INPP5F: variants seen among roughly 807,000 people sequenced by gnomAD.
INPP5F encodes the protein inositol polyphosphate-5-phosphatase F, also known as phosphatidylinositide 4-phosphatase SAC2.
A neutral mutation model predicts 137.2 loss-of-function variants in INPP5F; 97 were observed. That is an observed-to-expected ratio of 0.71 (90% CI 0.60 to 0.84). INPP5F has a LOEUF of 0.84. Ranked by LOEUF, INPP5F falls within the 40% of genes least tolerant of loss-of-function variation. INPP5F has a pLI of 0.00. For synonymous variants in INPP5F, 504 were observed against 476.9 expected (o/e 1.06, Z -0.74); for missense variants, 1,271 against 1,371.9 (o/e 0.93, Z 1.16).
At chr10:119,738,440 G>T (rs1393859065) in intron 1 of INPP5F, among the ~76,000 whole-genome samples, 1 of 152,172 alleles carries the variant, frequency 6.6e-6, no homozygotes, top group Non-Finnish European at 1.5e-5. Context: ...TTTGCAGAAG[G>T]ATAGTATGAG....
chr10:119,738,146 G>A (rs143581170), intron 1 of INPP5F, among the ~76,000 whole-genome samples: 143 of 152,302 alleles, frequency 9.4e-4, no homozygotes, highest in African/African-American at 3.3e-3. Flanking sequence ...ATGTTGACCT[G>A]ATGGGTCAAA....
chr10:119,770,643 T>A (rs1006174021), intron 2 of INPP5F, among the ~76,000 whole-genome samples: 11 of 152,202 alleles, frequency 7.2e-5, no homozygotes, highest in Non-Finnish European at 1.6e-4. Flanking sequence ...CTGTGAGGTC[T>A]TCTTTTGTTT....
At chr10:119,781,810 T>G in intron 3 of INPP5F, 39 bp downstream of exon 3, 1 of 1,500,816 alleles carries the variant, frequency 6.7e-7, no homozygotes, top group African/African-American at 1.4e-5. Context: ...AAACCTGATA[T>G]AAATGTAATA....
chr10:119,812,202 A>G lies in INPP5F; in HGVS notation c.1886+247A>G, dbSNP rs529731092. On this transcript the variant is annotated intron_variant, in intron 15 of 19. Coordinates refer to ENST00000650623, the MANE Select transcript of INPP5F (RefSeq NM_014937.4). The stretch of plus-strand genomic sequence containing the variant: ...CAGTATTTGATTAAACAAAATTCAA[A>G]TTGCCAAACTACAGCCTGCAGCTGG... 2.0e-5 allele frequency among the ~76,000 whole-genome samples: 3 copies of G among 152,296 alleles called. No homozygotes were observed. The East Asian group carries it at 5.8e-4, about 29-fold the overall frequency.
chr10:119,765,838 AATT>A (rs1849145166), intron 2 of INPP5F, among the ~76,000 whole-genome samples: 1 of 139,412 alleles, frequency 7.2e-6, no homozygotes, highest in Admixed American at 7.8e-5. Flanking sequence ...TATAAATACT[AATT>A]AATCTCTCTG....
chr10:119,808,427 C>G (rs968692270), intron 13 of INPP5F, among the ~76,000 whole-genome samples: 2 of 152,200 alleles, frequency 1.3e-5, no homozygotes, highest in African/African-American at 2.4e-5. Flanking sequence ...TGTCATACTT[C>G]ATCTTTGAGT....
chr10:119,755,767 A>C (rs553692099), intron 2 of INPP5F, among the ~76,000 whole-genome samples: 7 of 152,344 alleles, frequency 4.6e-5, no homozygotes, highest in Non-Finnish European at 8.8e-5. Context: ...GACCTCATTT[A>C]AGCCTCAGTT....
intron 13 of INPP5F, 110 bp downstream of exon 13, chr10:119,808,170 G>A: frequency 7.5e-7 from 1 of 1,324,984 alleles, no homozygotes. Flanking sequence ...GTGTGTAGTT[G>A]ACTCTTTTCT....
chr10:119,827,571 A>C lies in INPP5F; in HGVS notation c.3190A>C (p.Ser1064Arg), dbSNP rs1851820668. ...HVTPSPSESS[S>R]SRAVSPFAKI... ...AACTCCTTCTCCTTCAGAGAGCAGT[A>C]GCAGCAGAGCAGTCTCTCCCTTTGC... is the stretch of plus-strand genomic sequence containing the variant. Residue 1064 changes from serine to arginine, a missense_variant, in exon 20 of 20, where the codon AGC becomes CGC. Around this residue, in one of 6 missense-constraint regions of INPP5F, gnomAD observed 490 missense variants for 443.7 expected, o/e 1.10. Coordinates refer to ENST00000650623, the MANE Select transcript of INPP5F (RefSeq NM_014937.4). 10 of 1,614,168 alleles carry C rather than the reference A, an allele frequency of 6.2e-6. No homozygotes were observed. The highest frequency in any genetic ancestry group is 8.5e-6 in the Non-Finnish European group (10 of 1,180,016).
intron 19 of INPP5F, 76 bp downstream of exon 19, chr10:119,823,978 G>GA: frequency 9.4e-7 from 1 of 1,064,278 alleles, no homozygotes; most frequent in Non-Finnish European, 1.4e-6. Context: ...TTTGCAGGGG[G>GA]AAAGGGGAGG....
At chr10:119,745,179 A>G (rs1272575584) in intron 1 of INPP5F, among the ~76,000 whole-genome samples, 1 of 152,066 alleles carries the variant, frequency 6.6e-6, no homozygotes, top group African/African-American at 2.4e-5. Context: ...AGGAGAGAAT[A>G]GGTGTCTCAG....
intron 19 of INPP5F, among the ~76,000 whole-genome samples, chr10:119,825,558 C>G (rs567534907): frequency 6.6e-6 from 1 of 152,264 alleles, no homozygotes; most frequent in African/African-American, 2.4e-5. Flanking sequence ...ACACAACTCA[C>G]GTGGCCACAA....
intron 6 of INPP5F, among the ~76,000 whole-genome samples, chr10:119,795,727 T>G (rs1035239752): frequency 3.9e-5 from 6 of 151,926 alleles, no homozygotes; most frequent in African/African-American, 9.7e-5. Context: ...CAAGGCAGGC[T>G]GCTGGGAGGT....
chr10:119,730,063 G>T (rs939650653), intron 1 of INPP5F, among the ~76,000 whole-genome samples: 3 of 151,704 alleles, frequency 2.0e-5, no homozygotes, highest in African/African-American at 7.3e-5. Flanking sequence ...TAGATGCTTA[G>T]ATGCTTATGT....
chr10:119,803,833 CT>C (rs1850676388), intron 9 of INPP5F, among the ~76,000 whole-genome samples: 1 of 149,864 alleles, frequency 6.7e-6, no homozygotes, highest in South Asian at 2.1e-4. Flanking sequence ...TTTAGGCTTT[CT>C]TTATTTCTTT....
At chr10:119,821,337 CGTGTGTGTGT>C (rs3067616) in intron 16 of INPP5F, among the ~76,000 whole-genome samples, 6 of 149,954 alleles carry the variant, frequency 4.0e-5, no homozygotes, top group Non-Finnish European at 7.4e-5. Flanking sequence ...TATGCAATAA[CGTGTGTGTGT>C]GTGTGTGTGT....
chr10:119,740,115 ATTC>A (rs1420002567), intron 1 of INPP5F, among the ~76,000 whole-genome samples: 1 of 152,044 alleles, frequency 6.6e-6, no homozygotes, highest in Non-Finnish European at 1.5e-5. Flanking sequence ...TTCTATTTAT[ATTC>A]TTCTGTAGTT....
Position 119,804,270 on chromosome 10 carries a change from A to C in INPP5F, c.1214A>C (p.Tyr405Ser). 4.3e-6 allele frequency: 7 copies of C among 1,612,020 alleles called. No homozygotes were observed. Among genetic ancestry groups the C allele is most frequent in the Non-Finnish European group, 5.9e-6 (7 of 1,179,544 alleles). The stretch of plus-strand genomic sequence containing the variant: ...CTTTTCAACAACTCACACCTCACTT[A>C]CGTTTCGTTTGACTTCCATGAGCAC... Reference protein sequence around the residue: ...VLLFNNSHLTYVSFDFHEHCR... With the variant: ...VLLFNNSHLTSVSFDFHEHCR... The change falls in exon 10 of 20, where the codon TAC becomes TCC. Residue 405 changes from tyrosine (Y) to serine (S), a missense_variant. Transcript: ENST00000650623.
chr10:119,808,297 C>T (rs1188369468), intron 13 of INPP5F, among the ~76,000 whole-genome samples: 3 of 152,134 alleles, frequency 2.0e-5, no homozygotes, highest in Non-Finnish European at 4.4e-5. Flanking sequence ...CTGGAGGGGC[C>T]TATGTTGCCA....
Sources: allele counts gnomAD v4.1 joint callset (sites outside exome capture counted in the v4.1 genomes callset), GRCh38; gene constraint gnomAD v4.1.1; regional missense constraint gnomAD v4.1.1; transcripts MANE v1.5; gene names NCBI Gene and HGNC (gene_info 2026-07-23, HGNC 2026-07-21).